MAF: variants seen among roughly 807,000 people sequenced by gnomAD.
The protein encoded by MAF is MAF bZIP transcription factor.
MAF carries 10 observed loss-of-function variants against 22.0 expected under a neutral mutation model. That is an observed-to-expected ratio of 0.45 (90% confidence interval 0.28 to 0.77). The LOEUF (loss-of-function observed/expected upper bound fraction) is 0.77. MAF is among the 30% of genes least tolerant of loss of function. The pLI, the probability that MAF is intolerant of heterozygous loss-of-function variation, is 0.12. For synonymous variants in MAF, 337 were observed against 255.8 expected (o/e 1.32, Z -3.03); for missense variants, 544 against 548.4 (o/e 0.99, Z 0.08).
At chr16:79,551,397 G>A in the MAF span, among the ~76,000 whole-genome samples, 78 of 152,290 alleles carry the variant, frequency 5.1e-4, no homozygotes, top group Non-Finnish European at 8.1e-4. Flanking sequence ...TGGCAGAAGC[G>A]CATGCCCTGT....
At chr16:79,340,832 A>C in the MAF span, among the ~76,000 whole-genome samples, 1 of 152,120 alleles carries the variant, frequency 6.6e-6, no homozygotes, top group South Asian at 2.1e-4. Context: ...TCGCCCCCTC[A>C]TTCCCCATCT....
In MAF at chr16:79,600,354, G is replaced by A. The variant is rs982919555; in HGVS notation, c.-452C>T. The A allele has an allele frequency of 1.1e-4, 22 of 198,862 alleles. No homozygotes were observed. Among genetic ancestry groups the A allele is most frequent in the African/African-American group, 3.8e-4 (16 of 42,560 alleles). 12.3% of individuals were successfully genotyped at this position (198,862 alleles called of 1,614,324 possible). A position where few individuals can be genotyped will look rare whatever the true frequency, so the allele number is the denominator to read the frequency against. On this transcript the variant is annotated 5_prime_UTR_variant, in exon 1 of 2. Coordinates refer to ENST00000326043, the MANE Select transcript of MAF (RefSeq NM_005360.5). ...CTCGCCTCGCCGGCCCGGGCTGCAG[G>A]CAGGGCGCGCGCGGCGTCCGCTCGG... is the stretch of plus-strand genomic sequence containing the variant.
chr16:79,344,929 G>T, the MAF span, among the ~76,000 whole-genome samples: 2 of 152,154 alleles, frequency 1.3e-5, no homozygotes, highest in African/African-American at 4.8e-5. Context: ...CTTTTGTGAA[G>T]AATGTAATTA....
At chr16:79,399,840 C>A in the MAF span, among the ~76,000 whole-genome samples, 13 of 152,200 alleles carry the variant, frequency 8.5e-5, no homozygotes, top group African/African-American at 3.1e-4. Flanking sequence ...TGTATCCTTA[C>A]TTAATTATTC....
the MAF span, among the ~76,000 whole-genome samples, chr16:79,287,014 C>T: frequency 2.0e-5 from 3 of 152,174 alleles, no homozygotes; most frequent in South Asian, 4.1e-4. Flanking sequence ...AGTGAGCGTC[C>T]CCTTCGCGTT....
the MAF span, among the ~76,000 whole-genome samples, chr16:79,259,718 T>G: frequency 6.6e-6 from 1 of 152,178 alleles, no homozygotes; most frequent in Admixed American, 6.5e-5. Context: ...GGGGCAGGAC[T>G]GCTGGTCATC....
chr16:79,487,042 T>A, the MAF span, among the ~76,000 whole-genome samples: 1 of 152,128 alleles, frequency 6.6e-6, no homozygotes, highest in Admixed American at 6.5e-5. Context: ...TGGGGAGGCC[T>A]AAAGTTCCAC....
At chr16:79,338,788 C>T in the MAF span, among the ~76,000 whole-genome samples, 10 of 152,260 alleles carry the variant, frequency 6.6e-5, no homozygotes, top group Admixed American at 1.3e-4. Flanking sequence ...TTACCCCATC[C>T]GAGCCTCAGT....
At chr16:79,589,837 G>A (rs367856745), downstream of MAF, among the ~76,000 whole-genome samples, 1 of 152,212 alleles carries the variant, frequency 6.6e-6, no homozygotes, top group African/African-American at 2.4e-5. Flanking sequence ...GGGCGCGCTG[G>A]GTGTGGCCGT....
chr16:79,212,313 A>G, the MAF span: 1 of 856,490 alleles, frequency 1.2e-6, no homozygotes, highest in African/African-American at 1.7e-5. Context: ...GGGGAGACAA[A>G]TCTCAGAACC....
chr16:79,423,443 C>T, the MAF span, among the ~76,000 whole-genome samples: 544 of 152,232 alleles, frequency 3.6e-3, 5 homozygotes, highest in Middle Eastern at 0.014. Context: ...AAATCAAACC[C>T]GATGACTTGT....
At chr16:79,502,734 T>C in the MAF span, among the ~76,000 whole-genome samples, 92 of 107,382 alleles carry the variant, frequency 8.6e-4, 4 homozygotes, top group East Asian at 7.7e-3. Context: ...TATATATATA[T>C]ATATATATAT....
At chr16:79,333,143 A>G in the MAF span, among the ~76,000 whole-genome samples, 22 of 152,030 alleles carry the variant, frequency 1.4e-4, no homozygotes, top group East Asian at 1.9e-4. Flanking sequence ...TGGATTTCCC[A>G]TCTCAGCGGG....
At chr16:79,578,396 C>A in the MAF span, among the ~76,000 whole-genome samples, 95 of 151,894 alleles carry the variant, frequency 6.3e-4, no homozygotes, top group Non-Finnish European at 1.2e-3. Flanking sequence ...CAGGTGCATG[C>A]CGATATTTAT....
chr16:79,434,290 A>C, the MAF span, among the ~76,000 whole-genome samples: 1 of 152,356 alleles, frequency 6.6e-6, no homozygotes, highest in South Asian at 2.1e-4. Flanking sequence ...TCACACATAC[A>C]CACACACGGT....
the MAF span, among the ~76,000 whole-genome samples, chr16:79,495,785 G>T: frequency 6.6e-6 from 1 of 152,122 alleles, no homozygotes; most frequent in Non-Finnish European, 1.5e-5. Flanking sequence ...AGCAGAAACA[G>T]TCTCTACACT....
chr16:79,228,116 T>A, the MAF span, among the ~76,000 whole-genome samples: 1 of 152,110 alleles, frequency 6.6e-6, no homozygotes, highest in Non-Finnish European at 1.5e-5. Context: ...TTGCCCAGGC[T>A]GGTCTCCAAC....
chr16:79,396,871 A>C, the MAF span, among the ~76,000 whole-genome samples: 1 of 152,208 alleles, frequency 6.6e-6, no homozygotes, highest in South Asian at 2.1e-4. Flanking sequence ...TATTTAACAC[A>C]CATTGTAAGC....
the MAF span, among the ~76,000 whole-genome samples, chr16:79,290,209 T>A: frequency 1.3e-5 from 2 of 152,116 alleles, no homozygotes; most frequent in East Asian, 3.9e-4. Flanking sequence ...GGAAGCTACT[T>A]CCAATCAGAT....
Sources: gnomAD v4.1 joint callset for allele counts (sites outside exome capture counted in the v4.1 genomes callset) on GRCh38, gnomAD v4.1.1 for gene constraint, MANE v1.5 for transcripts, NCBI Gene and HGNC (gene_info 2026-07-23, HGNC 2026-07-21) for gene names.